Variants in PTPDC1 observed in about 807,000 individuals in gnomAD.
PTPDC1 encodes protein tyrosine phosphatase domain containing 1, also known as protein tyrosine phosphatase domain-containing protein 1.
In PTPDC1, 53 loss-of-function variants were observed where a neutral mutation model predicts 75.3. The observed-to-expected ratio is 0.70, with a 90% CI of 0.56 to 0.88. PTPDC1 has a LOEUF of 0.88. PTPDC1 is among the 40% of genes least tolerant of loss of function. The pLI is 0.00. For missense variants in PTPDC1, 925 were observed against 998.6 expected (o/e 0.93, Z 0.99); for synonymous variants, 349 against 366.2 (o/e 0.95, Z 0.54).
intron 1 of PTPDC1, among the ~76,000 whole-genome samples, chr9:94,044,645 A>G (rs576959108): frequency 1.1e-4 from 17 of 152,230 alleles, no homozygotes; most frequent in Non-Finnish European, 2.4e-4. Context: ...GGTTTTCTGC[A>G]TCCATGGACA....
Position 94,101,621 on chromosome 9 carries a change from C to T in PTPDC1, c.2069C>T (p.Pro690Leu). The change falls in exon 7 of 9, where the codon CCT becomes CTT. Residue 690 changes from proline (P) to leucine (L), a missense_variant. Pro to Leu is a moderately conservative substitution (Grantham distance 98). Coordinates refer to ENST00000620992, the MANE Select transcript of PTPDC1 (RefSeq NM_001253829.2). ...AWERICGERD[P>L]FILCSLMWSW... is the part of the protein sequence containing the mutation. The stretch of plus-strand genomic sequence containing the variant: ...GAAAGAATATGTGGCGAGAGGGACC[C>T]TTTCATCCTATGCAGCTTGATGTGG... 1 of 1,613,770 alleles carries T rather than the reference C, an allele frequency of 6.2e-7. No homozygotes were observed. Among genetic ancestry groups the T allele is most frequent in the East Asian group, 2.2e-5 (1 of 44,864 alleles).
At chr9:94,094,953 G>A (rs192069402) in intron 4 of PTPDC1, among the ~76,000 whole-genome samples, 2 of 152,310 alleles carry the variant, frequency 1.3e-5, no homozygotes, top group East Asian at 3.9e-4. Context: ...CGGTGCGTGC[G>A]CCCACTGACC....
intron 1 of PTPDC1, among the ~76,000 whole-genome samples, chr9:94,046,320 C>T (rs1825597923): frequency 1.3e-5 from 2 of 152,098 alleles, no homozygotes; most frequent in Non-Finnish European, 2.9e-5. Flanking sequence ...ATTGACTTGG[C>T]AATGCAGGCT....
chr9:94,078,473 A>G (rs1490834257), intron 2 of PTPDC1, among the ~76,000 whole-genome samples: 3 of 152,140 alleles, frequency 2.0e-5, no homozygotes, highest in Admixed American at 1.3e-4. Flanking sequence ...TATGTATCCT[A>G]CTTAGAGTTT....
At chr9:94,063,700 T>C (rs1826213028) in intron 1 of PTPDC1, among the ~76,000 whole-genome samples, 1 of 152,096 alleles carries the variant, frequency 6.6e-6, no homozygotes, top group African/African-American at 2.4e-5. Flanking sequence ...AAAGAATCAC[T>C]GAGATTTGAG....
At chr9:94,086,062 C>T (rs1240175994) in intron 2 of PTPDC1, among the ~76,000 whole-genome samples, 2 of 152,120 alleles carry the variant, frequency 1.3e-5, no homozygotes, top group Non-Finnish European at 2.9e-5. Flanking sequence ...TTGAAGCATA[C>T]TTAGAGGAAT....
rs1448107700 is a variant in PTPDC1 at position 94,101,580 on chromosome 9, C to T, written c.2028C>T (p.Ser676=). 3.7e-6 allele frequency: 6 copies of T among 1,612,466 alleles called. No homozygotes were observed. In the South Asian group the frequency reaches 5.5e-5, roughly 15 times the overall value. ...TTCCTTTTTAGAAAGAGCTTAATTC[C>T]CGAGATGGAGCTTGGGAAAGAATAT... ...KVEMWQKELN[S]RDGAWERICG... is the part of the protein sequence containing the mutation. Residue 676 remains serine, a synonymous_variant, in exon 7 of 9, where the codon TCC becomes TCT. Transcript: ENST00000620992.
intron 2 of PTPDC1, among the ~76,000 whole-genome samples, chr9:94,068,574 C>A (rs914014121): frequency 1.3e-5 from 2 of 152,090 alleles, no homozygotes; most frequent in Non-Finnish European, 2.9e-5. Context: ...CAAAGTTTAT[C>A]CATTATAAAT....
intron 2 of PTPDC1, among the ~76,000 whole-genome samples, chr9:94,066,217 T>C (rs1826301362): frequency 6.6e-6 from 1 of 152,182 alleles, no homozygotes; most frequent in African/African-American, 2.4e-5. Context: ...ATCCACTAGG[T>C]ATGCTGATTT....
intron 2 of PTPDC1, among the ~76,000 whole-genome samples, chr9:94,067,037 G>C (rs1438637729): frequency 1.3e-5 from 2 of 152,024 alleles, no homozygotes; most frequent in Non-Finnish European, 2.9e-5. Flanking sequence ...CTCTCACTCA[G>C]TTCCCTGCAT....
At chr9:94,047,169 C>T (rs1825628651) in intron 1 of PTPDC1, among the ~76,000 whole-genome samples, 2 of 152,182 alleles carry the variant, frequency 1.3e-5, no homozygotes, top group Non-Finnish European at 2.9e-5. Flanking sequence ...GTATGTTGAA[C>T]CAGCCTTGCA....
At chr9:94,105,274 T>G (rs1258137750) in intron 8 of PTPDC1, among the ~76,000 whole-genome samples, 3 of 152,214 alleles carry the variant, frequency 2.0e-5, no homozygotes, top group African/African-American at 7.2e-5. Context: ...CCAGAGTCAG[T>G]AGTCTCAAAT....
chr9:94,097,533 C>T lies in PTPDC1; in HGVS notation c.967C>T (p.Arg323Cys), dbSNP rs376544074. The T allele has an allele frequency of 8.6e-5, 139 of 1,613,982 alleles. No individual in the cohort carries two copies. The highest frequency in any genetic ancestry group is 8.5e-4 in the East Asian group (38 of 44,892). The change falls in exon 6 of 9, where the codon CGC becomes TGC. Residue 323 changes from arginine to cysteine, a missense_variant. Transcript: ENST00000620992. ...HAVTLPQYLI[R>C]QRHLLHGYEA... ...TGTCACCTTACCTCAATATCTAATT[C>T]GCCAGCGTCATCTGCTTCATGGTTA...
chr9:94,075,571 T>C (rs1226670798), intron 2 of PTPDC1, among the ~76,000 whole-genome samples: 1 of 152,184 alleles, frequency 6.6e-6, no homozygotes, highest in African/African-American at 2.4e-5. Flanking sequence ...CAGCACCCTA[T>C]TGGGGATATA....
chr9:94,088,324 T>C, intron 4 of PTPDC1, 61 bp downstream of exon 4: 1 of 1,560,718 alleles, frequency 6.4e-7, no homozygotes, highest in African/African-American at 1.4e-5. Flanking sequence ...GGCTTTTCTC[T>C]GCTGGGTTCT....
intron 4 of PTPDC1, among the ~76,000 whole-genome samples, chr9:94,092,328 C>T (rs1827357249): frequency 2.1e-5 from 3 of 141,878 alleles, no homozygotes; most frequent in Admixed American, 7.1e-5. Context: ...TTTCTGCCTT[C>T]ATTTCGTTAT....
chr9:94,091,140 G>C (rs999164782), intron 4 of PTPDC1, among the ~76,000 whole-genome samples: 14 of 151,018 alleles, frequency 9.3e-5, no homozygotes, highest in Non-Finnish European at 3.0e-5. Context: ...TGGTGAGAGA[G>C]GGCATCCCTG....
chr9:94,092,154 T>C (rs1036606022), intron 4 of PTPDC1, among the ~76,000 whole-genome samples: 4 of 151,798 alleles, frequency 2.6e-5, no homozygotes, highest in African/African-American at 7.3e-5. Context: ...CCTGCTTTTC[T>C]AGTTCTTTTA....
At chr9:94,098,961 G>A (rs760655325) in intron 6 of PTPDC1, among the ~76,000 whole-genome samples, 1 of 152,184 alleles carries the variant, frequency 6.6e-6, no homozygotes, top group Admixed American at 6.5e-5. Context: ...AACTACTGAC[G>A]TGCAGACATA....
Sources: allele counts gnomAD v4.1 joint callset (sites outside exome capture counted in the v4.1 genomes callset), GRCh38; gene constraint gnomAD v4.1.1; transcripts MANE v1.5; gene names NCBI Gene and HGNC (gene_info 2026-07-23, HGNC 2026-07-21).